The following CACNA1E variants were observed in gnomAD, a reference collection of about 807,000 sequenced individuals.
CACNA1E encodes the protein voltage-dependent R-type calcium channel subunit alpha-1E.
In CACNA1E, 40 loss-of-function variants were observed where a neutral mutation model predicts 259.2. The observed-to-expected ratio is 0.15, with a 90% confidence interval of 0.12 to 0.20. CACNA1E has a LOEUF of 0.20. CACNA1E is among the 10% of genes least tolerant of loss of function. The pLI is 1.00. For synonymous variants in CACNA1E, 1,104 were observed against 1,138.5 expected, an observed-to-expected ratio of 0.97 and a Z score of 0.61; for missense variants, 1,874 against 3,040.1, an observed-to-expected ratio of 0.62 and a Z score of 9.02.
chr1:181,371,121 T>C (rs1654679549), intron 1 of CACNA1E, among the ~76,000 whole-genome samples: 1 of 152,184 alleles, frequency 6.6e-6, no homozygotes, highest in African/African-American at 2.4e-5. Context: ...AATGGGGTTG[T>C]TTTTCAGCTA....
chr1:181,597,874 G>A (rs1054157059), intron 6 of CACNA1E, among the ~76,000 whole-genome samples: 4 of 152,158 alleles, frequency 2.6e-5, no homozygotes, highest in African/African-American at 9.7e-5. Flanking sequence ...ACTGTCACGA[G>A]AACAGCCCAG....
At chr1:181,764,512 C>G (rs1354389540) in intron 34 of CACNA1E, among the ~76,000 whole-genome samples, 2 of 152,246 alleles carry the variant, frequency 1.3e-5, no homozygotes, top group Non-Finnish European at 2.9e-5. Flanking sequence ...CTCCCCACAT[C>G]CATCATTACT....
At chr1:181,416,995 T>C (rs1451592463) in intron 2 of CACNA1E, among the ~76,000 whole-genome samples, 1 of 152,014 alleles carries the variant, frequency 6.6e-6, no homozygotes, top group Non-Finnish European at 1.5e-5. Flanking sequence ...TTGGTGACTT[T>C]GCCTTCTTGC....
intron 1 of CACNA1E, among the ~76,000 whole-genome samples, chr1:181,344,944 A>G (rs983064006): frequency 6.6e-6 from 1 of 152,182 alleles, no homozygotes; most frequent in Admixed American, 6.5e-5. Context: ...CTGCCCCACC[A>G]TTCCTAGGTG....
At chr1:181,648,651 C>G (rs1212884194) in intron 6 of CACNA1E, among the ~76,000 whole-genome samples, 1 of 152,238 alleles carries the variant, frequency 6.6e-6, no homozygotes, top group African/African-American at 2.4e-5. Flanking sequence ...TTACAGATCT[C>G]TAGCAATGAG....
chr1:181,727,204 C>T (rs558787678), intron 18 of CACNA1E, among the ~76,000 whole-genome samples: 56 of 152,276 alleles, frequency 3.7e-4, no homozygotes, highest in African/African-American at 1.3e-3. Flanking sequence ...GGTCAGATGA[C>T]CCAGAGACCC....
At chr1:181,711,189 A>G (rs1653324852) in intron 8 of CACNA1E, 120 bp downstream of exon 8, 1 of 699,724 alleles carries the variant, frequency 1.4e-6, no homozygotes, top group Non-Finnish European at 2.5e-6. Flanking sequence ...GACACTCTGG[A>G]TGCTTGGTTG....
At chr1:181,656,473 T>C (rs1273319616) in intron 7 of CACNA1E, among the ~76,000 whole-genome samples, 1 of 152,258 alleles carries the variant, frequency 6.6e-6, no homozygotes, top group African/African-American at 2.4e-5. Context: ...AAAATATATT[T>C]GTACAGCTGT....
intron 25 of CACNA1E, among the ~76,000 whole-genome samples, chr1:181,745,132 A>AG (rs968856623): frequency 3.3e-5 from 5 of 152,066 alleles, no homozygotes; most frequent in African/African-American, 1.2e-4. Context: ...AGCCACATGG[A>AG]GGGAGTGAGT....
chr1:181,489,803 G>C (rs1056089912), intron 1 of CACNA1E, among the ~76,000 whole-genome samples: 1 of 152,164 alleles, frequency 6.6e-6, no homozygotes, highest in Non-Finnish European at 1.5e-5. Flanking sequence ...TGGGGACCAG[G>C]CATGGAAATT....
chr1:181,415,226 C>G (rs1303844086), intron 2 of CACNA1E, among the ~76,000 whole-genome samples: 1 of 152,296 alleles, frequency 6.6e-6, no homozygotes, highest in Middle Eastern at 3.4e-3. Context: ...CCCAAAAAAT[C>G]CCACAATACT....
intron 3 of CACNA1E, among the ~76,000 whole-genome samples, chr1:181,535,850 C>A (rs1445336467): frequency 6.6e-6 from 1 of 151,950 alleles, no homozygotes; most frequent in Non-Finnish European, 1.5e-5. Context: ...ATCACCCCGG[C>A]TAATTTTTGT....
intron 36 of CACNA1E, 57 bp downstream of exon 36, chr1:181,771,441 TTGTC>T (rs571461761): frequency 1.1e-6 from 1 of 896,546 alleles, no homozygotes; most frequent in Non-Finnish European, 1.8e-6. Context: ...GAGAGAGAGT[TTGTC>T]TGCCTCTTCC....
At chr1:181,426,547 GAA>G (rs1659228444) in intron 2 of CACNA1E, among the ~76,000 whole-genome samples, 1 of 82,764 alleles carries the variant, frequency 1.2e-5, no homozygotes, top group Non-Finnish European at 2.3e-5. Flanking sequence ...CTTAACAACA[GAA>G]CCCCTTCCCA....
chr1:181,340,137 A>C (rs1652038480), intron 1 of CACNA1E, among the ~76,000 whole-genome samples: 1 of 151,816 alleles, frequency 6.6e-6, no homozygotes, highest in Non-Finnish European at 1.5e-5. Flanking sequence ...ATTTTGGTAG[A>C]AGACTTGGGG....
At position 181,638,863 on chromosome 1, in the gene CACNA1E, A is replaced by G. The variant is rs1013724834; in HGVS notation, c.952-12475A>G. Among the ~76,000 whole-genome samples, 6 of 152,270 alleles carry G rather than the reference A, an allele frequency of 3.9e-5. No individual in the cohort carries two copies. The East Asian group carries it at 1.2e-3, about 29-fold the overall frequency. Reference sequence around the variant, plus strand: ...AAGGTGCCTTGCTTCCCCTTCTACCATGATTGTAAGTTTCCTGAGGCTTCC... The same window carrying G: ...AAGGTGCCTTGCTTCCCCTTCTACCGTGATTGTAAGTTTCCTGAGGCTTCC... On this transcript the variant is annotated intron_variant, in intron 6 of 47. Transcript: ENST00000367573.
chr1:181,711,439 T>A (rs1653354030), intron 8 of CACNA1E, among the ~76,000 whole-genome samples: 1 of 152,226 alleles, frequency 6.6e-6, no homozygotes, highest in Non-Finnish European at 1.5e-5. Context: ...CCAGACCCTG[T>A]TCTAAGCACT....
intron 1 of CACNA1E, among the ~76,000 whole-genome samples, chr1:181,369,497 G>A (rs900713133): frequency 6.6e-6 from 1 of 152,230 alleles, no homozygotes; most frequent in East Asian, 1.9e-4. Flanking sequence ...GAGTGAATTT[G>A]TAGAATGAAA....
intron 1 of CACNA1E, among the ~76,000 whole-genome samples, chr1:181,494,914 G>T (rs1249825882): frequency 6.6e-6 from 1 of 152,186 alleles, no homozygotes; most frequent in Non-Finnish European, 1.5e-5. Flanking sequence ...TGACCGTTCA[G>T]CTTTTCTCAA....
Sources: allele counts gnomAD v4.1 joint callset (sites outside exome capture counted in the v4.1 genomes callset), GRCh38; gene constraint gnomAD v4.1.1; transcripts MANE v1.5; gene names NCBI Gene and HGNC (gene_info 2026-07-23, HGNC 2026-07-21).